Variants in ST8SIA2 observed in about 807,000 individuals in gnomAD.
The protein encoded by ST8SIA2 is alpha-2,8-sialyltransferase 8B.
A neutral mutation model predicts 37.6 loss-of-function variants in ST8SIA2; 22 were observed. The ratio of observed to expected loss-of-function variants is 0.58; its 90% confidence interval spans 0.42 to 0.83. The LOEUF (loss-of-function observed/expected upper bound fraction) is 0.83. ST8SIA2 is among the 40% of genes least tolerant of loss of function. The pLI is 0.00. For missense variants in ST8SIA2, 382 were observed against 484.7 expected (o/e 0.79, Z 1.99); for synonymous variants, 205 against 201.2 (o/e 1.02, Z -0.16).
chr15:92,416,913 A>G (rs111556310), intron 1 of ST8SIA2, among the ~76,000 whole-genome samples: 3,483 of 152,286 alleles, frequency 0.023, 150 homozygotes, highest in African/African-American at 0.078. Context: ...AGCACGCTCC[A>G]CTTTCTCTCC....
At chr15:92,429,950 T>C in intron 1 of ST8SIA2, 99 bp from the exon 2 acceptor site, 1 of 1,301,058 alleles carries the variant, frequency 7.7e-7, no homozygotes, top group Non-Finnish European at 1.1e-6. Context: ...TTCCACCCTC[T>C]GTAGTTTTCC....
intron 4 of ST8SIA2, among the ~76,000 whole-genome samples, chr15:92,442,546 T>C (rs1426304392): frequency 6.6e-6 from 1 of 152,200 alleles, no homozygotes; most frequent in Non-Finnish European, 1.5e-5. Flanking sequence ...CACTTGGCCC[T>C]GCTCTCAGGA....
chr15:92,402,603 T>C (rs945318405), intron 1 of ST8SIA2, among the ~76,000 whole-genome samples: 3 of 152,188 alleles, frequency 2.0e-5, no homozygotes, highest in Non-Finnish European at 1.5e-5. Context: ...CCCTGGGATG[T>C]AGCGATGCTG....
At chr15:92,408,679 T>TTATC (rs1441261156) in intron 1 of ST8SIA2, among the ~76,000 whole-genome samples, 1 of 100,286 alleles carries the variant, frequency 1.0e-5, no homozygotes, top group Non-Finnish European at 1.9e-5. Context: ...TCCATTTTTT[T>TTATC]TATTTATTTA....
At chr15:92,456,007 G>T (rs538675543) in intron 5 of ST8SIA2, among the ~76,000 whole-genome samples, 10 of 152,354 alleles carry the variant, frequency 6.6e-5, no homozygotes, top group African/African-American at 2.2e-4. Context: ...TTATGAATGA[G>T]ATTGAATATA....
At chr15:92,428,045 G>T (rs1445953256) in intron 1 of ST8SIA2, among the ~76,000 whole-genome samples, 2 of 152,186 alleles carry the variant, frequency 1.3e-5, no homozygotes, top group South Asian at 4.1e-4. Context: ...TCAGAGGGTG[G>T]TGCAGGTACT....
At position 92,430,055 on chromosome 15, in the gene ST8SIA2, G is replaced by A. The variant is rs376954528; in HGVS notation, c.105G>A (p.Ser35=). 15 of 1,613,982 alleles carry A rather than the reference G, an allele frequency of 9.3e-6. No homozygotes were observed. Among genetic ancestry groups the A allele is most frequent in the East Asian group, 2.2e-5 (1 of 44,894 alleles). The change falls in exon 2 of 6, where the codon TCG becomes TCA. Residue 35 remains serine, a synonymous_variant. Coordinates refer to ENST00000268164, the MANE Select transcript of ST8SIA2 (RefSeq NM_006011.4). ...ISEIEEEIGN[S]GGRGTIRSAV... ...CATTTCCTTTGTCTTGCAGGAATTCGGGAGGCAGAGGTACAATCAGATCAG... is the reference window on the plus strand; with the variant it reads ...CATTTCCTTTGTCTTGCAGGAATTCAGGAGGCAGAGGTACAATCAGATCAG...
intron 1 of ST8SIA2, among the ~76,000 whole-genome samples, chr15:92,412,284 G>C (rs543437043): frequency 5.4e-4 from 81 of 151,036 alleles, no homozygotes; most frequent in Non-Finnish European, 9.0e-4. Flanking sequence ...GGGAAGGAAG[G>C]GGGGAGAGGT....
chr15:92,414,403 T>G (rs1194994175), intron 1 of ST8SIA2, among the ~76,000 whole-genome samples: 1 of 152,208 alleles, frequency 6.6e-6, no homozygotes, highest in Non-Finnish European at 1.5e-5. Context: ...ATTCCAGTTT[T>G]GACTCATCTC....
intron 1 of ST8SIA2, among the ~76,000 whole-genome samples, chr15:92,423,291 G>A (rs900882134): frequency 1.2e-4 from 19 of 152,298 alleles, no homozygotes; most frequent in Non-Finnish European, 2.2e-4. Context: ...CAGGCGCAGT[G>A]GCTCATGTAA....
intron 1 of ST8SIA2, among the ~76,000 whole-genome samples, chr15:92,412,371 T>A (rs2049555992): frequency 1.3e-5 from 2 of 151,518 alleles, no homozygotes; most frequent in South Asian, 4.2e-4. Flanking sequence ...GGATGAAGGT[T>A]CAGAGGAGAG....
chr15:92,408,128 C>T (rs17599821), intron 1 of ST8SIA2, among the ~76,000 whole-genome samples: 49,038 of 152,006 alleles, frequency 0.32, 9,590 homozygotes, highest in Non-Finnish European at 0.43. Flanking sequence ...TGTCTGGAAA[C>T]GGCCCAGCAC....
At chr15:92,439,942 C>T (rs564013078) in intron 4 of ST8SIA2, among the ~76,000 whole-genome samples, 1 of 147,824 alleles carries the variant, frequency 6.8e-6, no homozygotes, top group East Asian at 2.0e-4. Context: ...CAGCAGTATC[C>T]GGGGGAGGCG....
intron 1 of ST8SIA2, among the ~76,000 whole-genome samples, chr15:92,406,836 A>C (rs2141804587): frequency 6.6e-6 from 1 of 152,246 alleles, no homozygotes; most frequent in African/African-American, 2.4e-5. Flanking sequence ...CTCTACAAAA[A>C]TACAAAAATT....
At chr15:92,415,235 A>G (rs2049578402) in intron 1 of ST8SIA2, among the ~76,000 whole-genome samples, 1 of 151,886 alleles carries the variant, frequency 6.6e-6, no homozygotes, top group Non-Finnish European at 1.5e-5. Context: ...GAAAATGACC[A>G]TGCCCCTGGG....
At chr15:92,447,531 G>A (rs1293067327) in intron 5 of ST8SIA2, among the ~76,000 whole-genome samples, 1 of 152,176 alleles carries the variant, frequency 6.6e-6, no homozygotes, top group African/African-American at 2.4e-5. Context: ...ACTCCCCACT[G>A]ACTGAGGGGC....
intron 5 of ST8SIA2, among the ~76,000 whole-genome samples, chr15:92,462,641 A>C (rs1483789567): frequency 6.6e-6 from 1 of 152,216 alleles, no homozygotes; most frequent in Non-Finnish European, 1.5e-5. Flanking sequence ...ATCTCTGTGG[A>C]GATGTCAACA....
intron 5 of ST8SIA2, among the ~76,000 whole-genome samples, chr15:92,461,747 A>G (rs2049959221): frequency 6.6e-6 from 1 of 152,182 alleles, no homozygotes; most frequent in African/African-American, 2.4e-5. Flanking sequence ...CTTGGATTGT[A>G]TGTGGAGCAG....
intron 5 of ST8SIA2, among the ~76,000 whole-genome samples, chr15:92,447,342 C>G (rs1172389170): frequency 6.6e-6 from 1 of 152,186 alleles, no homozygotes; most frequent in Non-Finnish European, 1.5e-5. Flanking sequence ...GAAGCCCATG[C>G]ATGTTTGGGG....
Sources: gnomAD v4.1 joint callset for allele counts (sites outside exome capture counted in the v4.1 genomes callset) on GRCh38, gnomAD v4.1.1 for gene constraint, MANE v1.5 for transcripts, NCBI Gene and HGNC (gene_info 2026-07-23, HGNC 2026-07-21) for gene names.